The following TCEA1 variants were observed in gnomAD, a reference collection of about 807,000 sequenced individuals.
The protein encoded by TCEA1 is transcription elongation factor A protein 1.
A neutral mutation model predicts 43.8 loss-of-function variants in TCEA1; 21 were observed. The observed-to-expected ratio is 0.48, with a 90% CI of 0.34 to 0.69. The LOEUF (loss-of-function observed/expected upper bound fraction) is 0.69, where lower values mean the gene tolerates loss of function less well. Ranked by LOEUF, TCEA1 falls within the 30% of genes least tolerant of loss-of-function variation. TCEA1 has a pLI of 0.01. For synonymous variants in TCEA1, 104 were observed against 117.5 expected, an observed-to-expected ratio of 0.88 and a Z score of 0.75; for missense variants, 250 against 365.1, an observed-to-expected ratio of 0.68 and a Z score of 2.57.
intron 4 of TCEA1, among the ~76,000 whole-genome samples, chr8:53,988,880 G>A (rs1251543229): frequency 1.3e-5 from 2 of 152,056 alleles, no homozygotes; most frequent in Non-Finnish European, 2.9e-5. Context: ...TCCAGCCTGG[G>A]CAAAATGGTG....
At chr8:54,008,643 G>A (rs1395310577) in intron 2 of TCEA1, among the ~76,000 whole-genome samples, 1 of 145,356 alleles carries the variant, frequency 6.9e-6, no homozygotes, top group Non-Finnish European at 1.5e-5. Flanking sequence ...TACAACCTGG[G>A]CAACAGAGAC....
intron 1 of TCEA1, among the ~76,000 whole-genome samples, chr8:54,019,769 T>A (rs2129315690): frequency 6.6e-6 from 1 of 152,284 alleles, no homozygotes; most frequent in African/African-American, 2.4e-5. Context: ...AGTGTCATTC[T>A]GACCATTTCT....
chr8:53,999,847 GA>G (rs1021136174), intron 3 of TCEA1, 97 bp downstream of exon 3: 6 of 854,578 alleles, frequency 7.0e-6, no homozygotes, highest in South Asian at 1.6e-5. Flanking sequence ...GATTCACTAA[GA>G]AAAAAATGTA....
At chr8:54,007,341 G>T (rs550177940) in intron 2 of TCEA1, among the ~76,000 whole-genome samples, 1 of 151,932 alleles carries the variant, frequency 6.6e-6, no homozygotes, top group Non-Finnish European at 1.5e-5. Flanking sequence ...CAATTTGTGT[G>T]TGTGTATTTT....
rs149004291 is a variant in TCEA1, at chr8:53,977,071, G to A, written c.825+1954C>T. ...GTGGTGGCTCACGCCTGTAATCCCA[G>A]CACTTTGGGAGGCTGAGACAGGCAG... On this transcript the variant is annotated intron_variant, in intron 8 of 9. Transcript: ENST00000521604. Among the ~76,000 whole-genome samples the A allele has an allele frequency of 5.9e-3, 904 of 152,328 alleles. 4 individuals are homozygous for A. Among genetic ancestry groups the A allele is most frequent in the African/African-American group, 0.018 (731 of 41,574 alleles).
intron 8 of TCEA1, among the ~76,000 whole-genome samples, chr8:53,974,399 C>G (rs965934269): frequency 6.6e-6 from 1 of 151,712 alleles, no homozygotes; most frequent in African/African-American, 2.4e-5. Context: ...ATTGTATATT[C>G]CTATAGATTA....
At position 54,016,023 on chromosome 8, in the gene TCEA1, T is replaced by C. The variant is rs145856622; in HGVS notation, c.64-5531A>G. ...GGAAGGCTATAATCAAGACAAATGA[T>C]ATTGGTGAAAATGAGGTGAAACTGG... On this transcript the variant is annotated intron_variant, in intron 1 of 9. Coordinates refer to ENST00000521604, the MANE Select transcript of TCEA1 (RefSeq NM_006756.4). 2.4e-3 allele frequency among the ~76,000 whole-genome samples: 358 copies of C among 152,312 alleles called. 1 individual carries two copies. Among genetic ancestry groups the C allele is most frequent in the Non-Finnish European group, 4.1e-3 (278 of 68,034 alleles).
chr8:53,979,246 A>T (rs1803432977), intron 7 of TCEA1, 75 bp from the exon 8 acceptor site: 1 of 1,376,738 alleles, frequency 7.3e-7, no homozygotes, highest in Non-Finnish European at 9.7e-7. Context: ...ATGCTCAATT[A>T]GCCTAATAAT....
chr8:53,998,776 A>G (rs1462729792), intron 3 of TCEA1, among the ~76,000 whole-genome samples: 1 of 152,224 alleles, frequency 6.6e-6, no homozygotes, highest in Admixed American at 6.5e-5. Flanking sequence ...ACAAAGAAAA[A>G]GTAAAATCAT....
At chr8:53,992,261 G>A (rs867750096) in intron 4 of TCEA1, among the ~76,000 whole-genome samples, 1 of 151,796 alleles carries the variant, frequency 6.6e-6, no homozygotes, top group Non-Finnish European at 1.5e-5. Context: ...GCAGTGAGTC[G>A]AGATCGTGCC....
At chr8:53,997,081 T>C (rs1426701571) in intron 3 of TCEA1, among the ~76,000 whole-genome samples, 1 of 151,998 alleles carries the variant, frequency 6.6e-6, no homozygotes, top group Non-Finnish European at 1.5e-5. Flanking sequence ...AATTTTTTTG[T>C]ATTTTTTTAG....
At chr8:54,003,206 GA>G (rs1188983350) in intron 2 of TCEA1, 1 of 375,594 alleles carries the variant, frequency 2.7e-6, no homozygotes, top group Non-Finnish European at 5.2e-6. Context: ...AAACATTTTT[GA>G]AAGAAATTAA....
rs974612625 is a variant in TCEA1, at chr8:53,987,970, T to A, written c.466+144A>T. On this transcript the variant is annotated intron_variant, in intron 5 of 9. Coordinates refer to ENST00000521604, the MANE Select transcript of TCEA1 (RefSeq NM_006756.4). The stretch of plus-strand genomic sequence containing the variant: ...TCCTCTCCCCCTTAACAGACCCGTA[T>A]CAGCAACAACTTCTCCCCAAGCTAA... 4.1e-6 allele frequency: 4 copies of A among 965,514 alleles called. No homozygotes were observed. In the African/African-American group the frequency reaches 6.6e-5, roughly 16 times the overall value. 59.8% of individuals were successfully genotyped at this position (965,514 alleles called of 1,614,324 possible).
intron 3 of TCEA1, among the ~76,000 whole-genome samples, chr8:53,995,205 G>A (rs568138146): frequency 2.2e-4 from 32 of 148,778 alleles, no homozygotes; most frequent in African/African-American, 8.0e-4. Flanking sequence ...TGAGGCAGGA[G>A]AATCATTTGA....
In TCEA1 at chr8:53,988,183, C is replaced by G; in HGVS notation, c.397G>C (p.Ala133Pro). The change falls in exon 5 of 10, where the codon GCA becomes CCA. Residue 133 changes from alanine (A) to proline (P), a missense_variant. Ala to Pro is a conservative substitution (Grantham distance 27). Around this residue, in one of 4 missense-constraint regions of TCEA1, gnomAD observed 147 missense variants for 160.3 expected, o/e 0.92. Transcript: ENST00000521604. ...CGCACAGAATCAGAAGTGCTTGGTGCCCGAGGAAAGGATGAAACATAAGTA... is the reference window on the plus strand; with the variant it reads ...CGCACAGAATCAGAAGTGCTTGGTGGCCGAGGAAAGGATGAAACATAAGTA... ...RDTYVSSFPR[A>P]PSTSDSVRLK... 5.0e-6 allele frequency: 8 copies of G among 1,612,832 alleles called. No individual in the cohort carries two copies. The highest frequency in any genetic ancestry group is 5.9e-6 in the Non-Finnish European group (7 of 1,179,468).
intron 1 of TCEA1, among the ~76,000 whole-genome samples, chr8:54,013,485 C>A (rs916318622): frequency 2.0e-5 from 3 of 151,986 alleles, no homozygotes; most frequent in African/African-American, 7.2e-5. Context: ...TCGAGACCAG[C>A]CTGGCCAACA....
Position 54,001,871 on chromosome 8 carries a change from C to T in TCEA1, c.127-1821G>A, listed in dbSNP as rs547626306. Among the ~76,000 whole-genome samples the T allele has an allele frequency of 3.9e-5, 6 of 151,926 alleles. No homozygotes were observed. The South Asian group carries it at 1.2e-3, about 32-fold the overall frequency. On this transcript the variant is annotated intron_variant, in intron 2 of 9. Transcript: ENST00000521604. ...CCAAAATAATAAGAAATGAGGGGCA[C>T]GGTGGCTCACACCTGTAATCCCAGC...
intron 3 of TCEA1, among the ~76,000 whole-genome samples, chr8:53,996,986 GC>G (rs1315164145): frequency 6.8e-6 from 1 of 146,362 alleles, no homozygotes; most frequent in Admixed American, 7.0e-5. Context: ...TGCAAGCTCC[GC>G]CTCCCGGGTT....
chr8:53,982,168 G>A lies in TCEA1; in HGVS notation c.678+2195C>T, dbSNP rs144638183. Among the ~76,000 whole-genome samples, 618 of 152,060 alleles carry A rather than the reference G, an allele frequency of 4.1e-3. 4 individuals carry two copies. Among genetic ancestry groups the A allele is most frequent in the African/African-American group, 0.014 (589 of 41,486 alleles). On this transcript the variant is annotated intron_variant, in intron 7 of 9. Transcript: ENST00000521604. ...GAATAAAGTAAACTGAAAACCTTTTGGAAAGGATTAACCATCCTAGATGCC... is the reference window on the plus strand; with the variant it reads ...GAATAAAGTAAACTGAAAACCTTTTAGAAAGGATTAACCATCCTAGATGCC...
Sources: gnomAD v4.1 joint callset for allele counts (sites outside exome capture counted in the v4.1 genomes callset) on GRCh38, gnomAD v4.1.1 for gene constraint, gnomAD v4.1.1 regional missense constraint, MANE v1.5 for transcripts, NCBI Gene and HGNC (gene_info 2026-07-23, HGNC 2026-07-21) for gene names.